The following RAD51AP2 variants were observed in gnomAD, a reference collection of about 807,000 sequenced individuals.
RAD51AP2 encodes RAD51-associated protein 2.
Under a neutral mutation model 85.5 loss-of-function variants are expected in RAD51AP2, and 67 were observed. The ratio of observed to expected loss-of-function variants is 0.78; its 90% CI spans 0.64 to 0.96. The LOEUF (loss-of-function observed/expected upper bound fraction) is 0.96, where lower values mean the gene tolerates loss of function less well. Among genes scored for constraint, RAD51AP2 ranks in the 40% least tolerant of loss-of-function variants. The probability of loss-of-function intolerance (pLI) is 0.00; values close to 1 mark genes in which losing one functional copy is unlikely to be tolerated. For synonymous variants in RAD51AP2, 474 were observed against 446.5 expected (o/e 1.06, Z -0.78); for missense variants, 1,307 against 1,332.4 (o/e 0.98, Z 0.30).
chr2:17,512,819 A>G (rs1662530521), intron 2 of RAD51AP2, among the ~76,000 whole-genome samples: 1 of 152,176 alleles, frequency 6.6e-6, no homozygotes, highest in African/African-American at 2.4e-5. Flanking sequence ...AGAAGAGACT[A>G]CCTGTGGGCT....
At position 17,515,994 on chromosome 2, in the gene RAD51AP2, T is replaced by C; in HGVS notation, c.2422A>G (p.Thr808Ala). The C allele has an allele frequency of 1.2e-6, 2 of 1,613,616 alleles. No individual in the cohort carries two copies. Among genetic ancestry groups the C allele is most frequent in the Admixed American group, 1.7e-5 (1 of 59,970 alleles). The change falls in exon 1 of 3, where the codon ACC becomes GCC. Residue 808 changes from threonine to alanine, a missense_variant. Thr to Ala is a moderately conservative substitution (Grantham distance 58). This residue lies in a region of RAD51AP2 where 668 missense variants were observed against 671.0 expected (regional missense o/e 1.00). Coordinates refer to ENST00000399080, the MANE Select transcript of RAD51AP2 (RefSeq NM_001099218.3). The part of the protein sequence containing the change: ...HNIIHNEETH[T>A]TSITQVLNFW... ...TTTAGTACTTGAGTTATAGAAGTGG[T>C]ATGGGTCTCTTCATTATGTATTATG...
At position 17,516,585 on chromosome 2, in the gene RAD51AP2, A is replaced by G. The variant is rs1662679090; in HGVS notation, c.1831T>C (p.Cys611Arg). The G allele has an allele frequency of 6.3e-7, 1 of 1,587,144 alleles. No homozygotes were observed. Among genetic ancestry groups the G allele is most frequent in the East Asian group, 2.2e-5 (1 of 44,572 alleles). Residue 611 changes from cysteine to arginine, a missense_variant, in exon 1 of 3, where the codon TGC becomes CGC. Around this residue, in one of 3 missense-constraint regions of RAD51AP2, gnomAD observed 668 missense variants for 671.0 expected, o/e 1.00. Coordinates refer to ENST00000399080, the MANE Select transcript of RAD51AP2 (RefSeq NM_001099218.3). ...TTTGGATACTTCAAATAAAGCATGC[A>G]CTTGAAAATGCATTCCTCTTCTAAT... Reference protein sequence around the residue: ...FELEEECIFKCMLYLKYPKNI... With the variant: ...FELEEECIFKRMLYLKYPKNI...
At chr2:17,528,283 G>A in the RAD51AP2 span, among the ~76,000 whole-genome samples, 1 of 152,108 alleles carries the variant, frequency 6.6e-6, no homozygotes, top group East Asian at 1.9e-4. Context: ...TTTATTGATT[G>A]ATTAATATGG....
rs1057018240 is a variant in RAD51AP2 at position 17,516,853 on chromosome 2, T to C, written c.1563A>G (p.Ser521=). The C allele has an allele frequency of 5.8e-6, 9 of 1,548,230 alleles. No homozygotes were observed. Among genetic ancestry groups the C allele is most frequent in the Non-Finnish European group, 7.8e-6 (9 of 1,148,202 alleles). The stretch of plus-strand genomic sequence containing the variant: ...AAATACTATTATCTTTTTTATTTCC[T>C]GAAATACTTTTATGGAAATAAAAAA... ...IEIFYFHKSI[S]GNKKDNSILT... Residue 521 remains serine (S), a synonymous_variant, in exon 1 of 3, where the codon TCA becomes TCG. Coordinates refer to ENST00000399080, the MANE Select transcript of RAD51AP2 (RefSeq NM_001099218.3).
the RAD51AP2 span, among the ~76,000 whole-genome samples, chr2:17,530,114 C>T: frequency 2.0e-5 from 3 of 152,194 alleles, no homozygotes; most frequent in Admixed American, 6.5e-5. Flanking sequence ...TCTCTTCTCT[C>T]TGGAGAAGAT....
chr2:17,537,467 C>T, the RAD51AP2 span, among the ~76,000 whole-genome samples: 1 of 152,208 alleles, frequency 6.6e-6, no homozygotes, highest in East Asian at 1.9e-4. Flanking sequence ...TAAGAATAAA[C>T]GAGTATAAAT....
At chr2:17,512,602 T>A (rs1662523319) in intron 2 of RAD51AP2, among the ~76,000 whole-genome samples, 1 of 152,240 alleles carries the variant, frequency 6.6e-6, no homozygotes, top group Admixed American at 6.5e-5. Context: ...TATATCCATT[T>A]TATTATCACA....
At chr2:17,518,537 C>T (rs1014193109), upstream of RAD51AP2, 3 of 1,306,654 alleles carry the variant, frequency 2.3e-6, no homozygotes, top group Admixed American at 7.3e-5. Context: ...AGCCTAATCT[C>T]AGGGTTTGCC....
the RAD51AP2 span, among the ~76,000 whole-genome samples, chr2:17,530,584 C>CAAAAAAA: frequency 5.0e-5 from 4 of 80,248 alleles, no homozygotes; most frequent in African/African-American, 2.5e-4. Flanking sequence ...GGCCCTGTCT[C>CAAAAAAA]AAAAAAAAAA....
the RAD51AP2 span, among the ~76,000 whole-genome samples, chr2:17,533,218 C>T: frequency 6.6e-6 from 1 of 152,238 alleles, no homozygotes; most frequent in Non-Finnish European, 1.5e-5. Context: ...CAAGTTCCAT[C>T]CCTGCAATTT....
rs965761560 is a variant in RAD51AP2, at chr2:17,512,093, A to C, written c.3329-1138T>G. On this transcript the variant is annotated intron_variant, in intron 2 of 2. Transcript: ENST00000399080. ...GTGCTCAAAATAATTTCAATACTGT[A>C]CTTGCCTTCACACCACAGAGAGAAG... is the stretch of plus-strand genomic sequence containing the variant. 3.9e-5 allele frequency among the ~76,000 whole-genome samples: 6 copies of C among 152,196 alleles called. No homozygotes were observed. In the East Asian group the frequency reaches 5.8e-4, roughly 15 times the overall value.
At position 17,518,261 on chromosome 2, in the gene RAD51AP2, G is replaced by A; in HGVS notation, c.155C>T (p.Pro52Leu). Residue 52 changes from proline (P) to leucine (L), a missense_variant, in exon 1 of 3, where the codon CCT becomes CTT. By Grantham distance (98) the Pro-to-Leu change is moderately conservative (BLOSUM62 -3). Transcript: ENST00000399080. The stretch of plus-strand genomic sequence containing the variant: ...CGCCTCAGACAAGCGAGGCACCAGA[G>A]GCAGTCGCCAGCCCGCCTTAAAGAC... Reference protein sequence around the residue: ...GGVFKAGWRLPLVPRLSEAEK... With the variant: ...GGVFKAGWRLLLVPRLSEAEK... The A allele has an allele frequency of 4.3e-6, 7 of 1,614,160 alleles. No individual in the cohort carries two copies. The Admixed American group carries it at 5.0e-5, about 12-fold the overall frequency.
the RAD51AP2 span, among the ~76,000 whole-genome samples, chr2:17,529,860 CT>C: frequency 6.6e-6 from 1 of 152,108 alleles, no homozygotes; most frequent in Non-Finnish European, 1.5e-5. Context: ...ACAATTCGTC[CT>C]TTGGGGGTAC....
upstream of RAD51AP2, among the ~76,000 whole-genome samples, chr2:17,519,268 T>C (rs1662802892): frequency 6.6e-6 from 1 of 151,308 alleles, no homozygotes; most frequent in African/African-American, 2.4e-5. Flanking sequence ...ATTTCTTGTT[T>C]TTTTTTTTCC....
At position 17,515,936 on chromosome 2, in the gene RAD51AP2, T is replaced by C. The variant is rs766146035; in HGVS notation, c.2480A>G (p.Lys827Arg). 2.5e-6 allele frequency: 4 copies of C among 1,603,038 alleles called. No homozygotes were observed. In the South Asian group the frequency reaches 4.6e-5, roughly 18 times the overall value. ...FWNLLSEIEE[K>R]KYDLILKEEV... Reference sequence around the variant, plus strand: ...CTCTTTCAAAATTAAGTCATATTTTTTTTCTTCTATTTCACTTAGCAAGTT... The same window carrying C: ...CTCTTTCAAAATTAAGTCATATTTTCTTTCTTCTATTTCACTTAGCAAGTT... The change falls in exon 1 of 3, where the codon AAA (lysine) becomes AGA (arginine). Residue 827 changes from lysine to arginine, a missense_variant. Around this residue, in one of 3 missense-constraint regions of RAD51AP2, gnomAD observed 668 missense variants for 671.0 expected, o/e 1.00. Transcript: ENST00000399080.
the RAD51AP2 span, among the ~76,000 whole-genome samples, chr2:17,526,695 A>G: frequency 6.6e-6 from 1 of 152,216 alleles, no homozygotes; most frequent in East Asian, 1.9e-4. Context: ...GGGGATTGAG[A>G]AATAGAAGAC....
chr2:17,515,690 C>T lies in RAD51AP2; in HGVS notation c.2726G>A (p.Arg909Lys), dbSNP rs144359658. 1,144 of 1,609,450 alleles carry T rather than the reference C, an allele frequency of 7.1e-4. 14 individuals are homozygous for T. In the African/African-American group the frequency reaches 0.014, roughly 19 times the overall value. Residue 909 changes from arginine (R) to lysine (K), a missense_variant, in exon 1 of 3, where the codon AGG (arginine) becomes AAG (lysine). Physicochemically the swap from Arg to Lys is conservative, Grantham distance 26. Around this residue, in one of 3 missense-constraint regions of RAD51AP2, gnomAD observed 668 missense variants for 671.0 expected, o/e 1.00. Coordinates refer to ENST00000399080, the MANE Select transcript of RAD51AP2 (RefSeq NM_001099218.3). ...AAAATCCTTTGAATTAGCTATCTCC[C>T]TTTCTGGCAAAATACTCTCATATTC... ...TNEYESILPE[R>K]EIANSKDFHR...
Position 17,518,274 on chromosome 2 carries a change from C to T in RAD51AP2, c.142G>A (p.Gly48Ser). 1.2e-6 allele frequency: 2 copies of T among 1,614,160 alleles called. No homozygotes were observed. The highest frequency in any genetic ancestry group is 2.2e-5 in the South Asian group (2 of 91,086). Residue 48 changes from glycine (G) to serine (S), a missense_variant, in exon 1 of 3, where the codon GGC (glycine) becomes AGC (serine). Coordinates refer to ENST00000399080, the MANE Select transcript of RAD51AP2 (RefSeq NM_001099218.3). ...LEEPGGVFKA[G>S]WRLPLVPRLS... ...CGAGGCACCAGAGGCAGTCGCCAGC[C>T]CGCCTTAAAGACACCTCCAGGCTCC... is the stretch of plus-strand genomic sequence containing the variant.
the RAD51AP2 span, among the ~76,000 whole-genome samples, chr2:17,536,955 C>G: frequency 6.6e-6 from 1 of 152,298 alleles, no homozygotes; most frequent in East Asian, 1.9e-4. Context: ...CTAAGAGATA[C>G]TTCCTATTTG....
Sources: gnomAD v4.1 joint callset for allele counts (sites outside exome capture counted in the v4.1 genomes callset) on GRCh38, gnomAD v4.1.1 for gene constraint, gnomAD v4.1.1 regional missense constraint, MANE v1.5 for transcripts, NCBI Gene and HGNC (gene_info 2026-07-23, HGNC 2026-07-21) for gene names.